ARFGEF2: variants seen among roughly 807,000 people sequenced by gnomAD.
ARFGEF2 encodes ARF guanine nucleotide exchange factor 2, also known as brefeldin A-inhibited guanine nucleotide-exchange protein 2.
ARFGEF2 carries 74 observed loss-of-function variants against 219.9 expected under a neutral mutation model. The ratio of observed to expected loss-of-function variants is 0.34; its 90% CI spans 0.28 to 0.41. ARFGEF2 has a LOEUF of 0.41. Ranked by LOEUF, ARFGEF2 falls within the 10% of genes least tolerant of loss-of-function variation. The probability of loss-of-function intolerance (pLI) is 1.00; values close to 1 mark genes in which losing one functional copy is unlikely to be tolerated. For synonymous variants in ARFGEF2, 733 were observed against 799.2 expected (o/e 0.92, Z 1.40); for missense variants, 1,743 against 2,218.3 (o/e 0.79, Z 4.30).
chr20:48,974,292 A>T (rs1600625134), intron 12 of ARFGEF2, among the ~76,000 whole-genome samples: 1 of 151,934 alleles, frequency 6.6e-6, no homozygotes, highest in South Asian at 2.1e-4. Context: ...CACCCGGCTG[A>T]TTTGAGATGG....
intron 22 of ARFGEF2, 56 bp from the exon 23 acceptor site, chr20:48,995,727 G>A: frequency 6.8e-7 from 1 of 1,470,698 alleles, no homozygotes; most frequent in Non-Finnish European, 9.5e-7. Context: ...AGGATGCTTT[G>A]TTCTAAATAC....
chr20:49,005,336 T>C, intron 26 of ARFGEF2, 115 bp downstream of exon 26: 1 of 1,213,906 alleles, frequency 8.2e-7, no homozygotes, highest in Non-Finnish European at 1.2e-6. Context: ...TGGAAACAAA[T>C]AGAATGAATA....
Position 48,998,085 on chromosome 20 carries a change from C to T in ARFGEF2, c.3222-108C>T, listed in dbSNP as rs965438074. The T allele has an allele frequency of 4.5e-5, 45 of 1,007,300 alleles. No homozygotes were observed. In the South Asian group the frequency reaches 4.6e-4, roughly 10 times the overall value. 62.4% of individuals were successfully genotyped at this position (1,007,300 alleles called of 1,614,324 possible). A position where few individuals can be genotyped will look rare whatever the true frequency, so the allele number is the denominator to read the frequency against. On this transcript the variant is annotated intron_variant, in intron 23 of 38. Transcript: ENST00000371917. ...ATGTTGGCCAGGCTGGTTTTGAACT[C>T]CTGACCTCAAGTGATACACCCTCCT...
In ARFGEF2 at chr20:48,963,907, C is replaced by T. The variant is rs538199862; in HGVS notation, c.907+9C>T. On this transcript the variant is annotated intron_variant, in intron 7 of 38. Transcript: ENST00000371917. ...CACATCTGCCATTAAAGGTAAGAACCAAGGACAACCCAGCCTTTCCTCTTC... is the reference window on the plus strand; with the variant it reads ...CACATCTGCCATTAAAGGTAAGAACTAAGGACAACCCAGCCTTTCCTCTTC... 125 of 1,613,388 alleles carry T rather than the reference C, an allele frequency of 7.7e-5. 1 individual carries two copies. The South Asian group carries it at 1.2e-3, about 15-fold the overall frequency.
chr20:48,975,095 C>A (rs2091253035), intron 13 of ARFGEF2, among the ~76,000 whole-genome samples: 1 of 152,144 alleles, frequency 6.6e-6, no homozygotes, highest in African/African-American at 2.4e-5. Flanking sequence ...GCTCTAGTGC[C>A]TTTTTAGTAG....
chr20:48,922,154 C>T lies in ARFGEF2; in HGVS notation c.121+144C>T, dbSNP rs1339253505. On this transcript the variant is annotated intron_variant, in intron 1 of 38. Transcript: ENST00000371917. ...CCTTCCGGCCTCCTCCTCATTATAC[C>T]CCCGGAGGAAGTGTTGCCCGGGCAG... The T allele has an allele frequency of 5.3e-6, 7 of 1,326,972 alleles. No individual in the cohort carries two copies. In the East Asian group the frequency reaches 1.1e-4, roughly 21 times the overall value. The allele number at this position is 1,326,972 out of a possible 1,614,324, so 82.2% of individuals were successfully genotyped here.
intron 3 of ARFGEF2, among the ~76,000 whole-genome samples, chr20:48,948,629 G>A (rs2091044747): frequency 2.0e-5 from 3 of 152,166 alleles, no homozygotes; most frequent in South Asian, 2.1e-4. Context: ...CAGTACAGAG[G>A]TACAGTATGT....
chr20:48,935,941 G>GGC (rs1408727942), intron 1 of ARFGEF2, among the ~76,000 whole-genome samples: 2 of 132,596 alleles, frequency 1.5e-5, no homozygotes, highest in African/African-American at 6.1e-5. Flanking sequence ...GCTGGCCGGG[G>GGC]GGGGGGGCTG....
chr20:48,978,972 TCTTGC>T (rs1363907926), intron 14 of ARFGEF2, among the ~76,000 whole-genome samples: 3 of 152,212 alleles, frequency 2.0e-5, no homozygotes, highest in African/African-American at 7.2e-5. Flanking sequence ...TATTTCTTTC[TCTTGC>T]CTGATTGCCC....
At chr20:48,995,365 T>C (rs1403123329) in intron 22 of ARFGEF2, among the ~76,000 whole-genome samples, 1 of 152,082 alleles carries the variant, frequency 6.6e-6, no homozygotes, top group African/African-American at 2.4e-5. Flanking sequence ...AATGGGGAAT[T>C]GTAATAGCAC....
intron 1 of ARFGEF2, among the ~76,000 whole-genome samples, chr20:48,940,370 A>G (rs954342287): frequency 6.6e-6 from 1 of 152,256 alleles, no homozygotes; most frequent in African/African-American, 2.4e-5. Flanking sequence ...GCTGATTAAG[A>G]AAAAGTATGT....
chr20:48,940,621 C>G (rs2090987429), intron 1 of ARFGEF2, among the ~76,000 whole-genome samples: 1 of 152,246 alleles, frequency 6.6e-6, no homozygotes, highest in Admixed American at 6.5e-5. Context: ...AGCCTCGGTT[C>G]AAATTCTGGC....
At chr20:48,931,854 C>T (rs80080365) in intron 1 of ARFGEF2, among the ~76,000 whole-genome samples, 2,316 of 152,220 alleles carry the variant, frequency 0.015, 66 homozygotes, top group South Asian at 0.085. Context: ...TAATTTTACG[C>T]GGAGTGGGAT....
At chr20:49,024,797 A>T (rs1257754175) in intron 35 of ARFGEF2, among the ~76,000 whole-genome samples, 2 of 152,096 alleles carry the variant, frequency 1.3e-5, no homozygotes, top group African/African-American at 4.8e-5. Context: ...CGAGTCTGAG[A>T]TCATTCTGAC....
At chr20:49,001,516 T>C (rs921062948) in intron 25 of ARFGEF2, among the ~76,000 whole-genome samples, 5 of 152,218 alleles carry the variant, frequency 3.3e-5, no homozygotes, top group African/African-American at 1.2e-4. Context: ...TCTCTTGAAC[T>C]AGGGGCACCA....
At chr20:48,983,272 A>G (rs1216167647) in intron 14 of ARFGEF2, among the ~76,000 whole-genome samples, 1 of 152,230 alleles carries the variant, frequency 6.6e-6, no homozygotes, top group East Asian at 1.9e-4. Context: ...CATCACAATC[A>G]TTGGCAAATC....
At chr20:49,009,302 T>C (rs1474431647) in intron 26 of ARFGEF2, among the ~76,000 whole-genome samples, 2 of 152,162 alleles carry the variant, frequency 1.3e-5, no homozygotes, top group African/African-American at 2.4e-5. Flanking sequence ...TTTCCTGTTA[T>C]TGGTTAGTGT....
At chr20:48,959,696 G>A (rs1198552747) in intron 6 of ARFGEF2, among the ~76,000 whole-genome samples, 1 of 148,510 alleles carries the variant, frequency 6.7e-6, no homozygotes, top group Non-Finnish European at 1.5e-5. Context: ...TGCAACCTCT[G>A]CCTCTCAGGC....
chr20:48,923,819 CATCTGGGTCATGAAG>C (rs1270479991), intron 1 of ARFGEF2, among the ~76,000 whole-genome samples: 1 of 152,194 alleles, frequency 6.6e-6, no homozygotes, highest in Non-Finnish European at 1.5e-5. Context: ...ATAAAATTTT[CATCTGGGTCATGAAG>C]GGCCATTAAC....
Sources: gnomAD v4.1 joint callset for allele counts (sites outside exome capture counted in the v4.1 genomes callset) on GRCh38, gnomAD v4.1.1 for gene constraint, MANE v1.5 for transcripts, NCBI Gene and HGNC (gene_info 2026-07-23, HGNC 2026-07-21) for gene names.